Variants in EIF4ENIF1 observed in about 807,000 individuals in gnomAD.
The protein encoded by EIF4ENIF1 is eukaryotic translation initiation factor 4E nuclear import factor 1.
In EIF4ENIF1, 23 loss-of-function variants were observed where a neutral mutation model predicts 110.5. The observed-to-expected ratio is 0.21, with a 90% CI of 0.15 to 0.29. The LOEUF (loss-of-function observed/expected upper bound fraction) is 0.29, where lower values mean the gene tolerates loss of function less well. EIF4ENIF1 is among the 10% of genes least tolerant of loss of function. EIF4ENIF1 has a pLI of 1.00. For synonymous variants in EIF4ENIF1, 440 were observed against 437.0 expected, an observed-to-expected ratio of 1.01 and a Z score of -0.09; for missense variants, 1,031 against 1,221.1, an observed-to-expected ratio of 0.84 and a Z score of 2.32.
chr22:31,484,540 T>TA (rs879433677), intron 2 of EIF4ENIF1, among the ~76,000 whole-genome samples: 1,394 of 139,166 alleles, frequency 0.01, 25 homozygotes, highest in African/African-American at 0.029. Context: ...ACCACCTATT[T>TA]AAAAAAAAAA....
intron 10 of EIF4ENIF1, among the ~76,000 whole-genome samples, chr22:31,451,513 A>G (rs1332674848): frequency 6.6e-6 from 1 of 151,322 alleles, no homozygotes; most frequent in African/African-American, 2.4e-5. Context: ...TGACCTCGTG[A>G]TCTGCCCGCC....
intron 2 of EIF4ENIF1, chr22:31,479,559 A>G (rs1003825085): frequency 2.0e-5 from 3 of 152,146 alleles, no homozygotes; most frequent in African/African-American, 4.8e-5. Flanking sequence ...CCCCTTTGGG[A>G]TATTTTCAAA....
downstream of EIF4ENIF1, chr22:31,437,431 A>G (rs898432907): frequency 1.3e-5 from 2 of 149,470 alleles, no homozygotes; most frequent in African/African-American, 4.9e-5. Context: ...AGACTGCATT[A>G]ATGTGTCTTT....
At chr22:31,464,042 T>C (rs1291876677) in intron 4 of EIF4ENIF1, 75 bp from the exon 5 acceptor site, 46 of 1,511,386 alleles carry the variant, frequency 3.0e-5, no homozygotes, top group Non-Finnish European at 3.7e-5. Context: ...AGTATGTCCA[T>C]GACTGATGGG....
intron 10 of EIF4ENIF1, among the ~76,000 whole-genome samples, chr22:31,452,048 T>A (rs1419433823): frequency 6.6e-6 from 1 of 152,248 alleles, no homozygotes; most frequent in African/African-American, 2.4e-5. Flanking sequence ...TACTTCCATC[T>A]AATAAAAACA....
At chr22:31,461,271 C>T (rs1200002342) in intron 6 of EIF4ENIF1, among the ~76,000 whole-genome samples, 1 of 152,174 alleles carries the variant, frequency 6.6e-6, no homozygotes, top group African/African-American at 2.4e-5. Flanking sequence ...TTCCCAAGAC[C>T]ATCAGCCTGG....
intron 2 of EIF4ENIF1, among the ~76,000 whole-genome samples, chr22:31,487,056 G>A (rs1324700724): frequency 6.6e-6 from 1 of 150,568 alleles, no homozygotes; most frequent in Non-Finnish European, 1.5e-5. Flanking sequence ...GGCAACAAGA[G>A]TAAAACTCCA....
At chr22:31,462,590 A>G (rs2051032649) in intron 6 of EIF4ENIF1, among the ~76,000 whole-genome samples, 1 of 152,032 alleles carries the variant, frequency 6.6e-6, no homozygotes, top group African/African-American at 2.4e-5. Flanking sequence ...TGATAATCAC[A>G]TCTCTATTTT....
At chr22:31,439,260 C>CGAT (rs2050222145), downstream of EIF4ENIF1, 1 of 152,568 alleles carries the variant, frequency 6.6e-6, no homozygotes. Flanking sequence ...CAGTGAGCCA[C>CGAT]GATTGCACCA....
chr22:31,455,645 G>A (rs1374976942), intron 8 of EIF4ENIF1, among the ~76,000 whole-genome samples: 1 of 152,118 alleles, frequency 6.6e-6, no homozygotes, highest in Non-Finnish European at 1.5e-5. Flanking sequence ...TGATCTGCCT[G>A]CCTTGGCCTC....
chr22:31,458,203 G>C (rs2050885666), intron 7 of EIF4ENIF1, among the ~76,000 whole-genome samples: 1 of 151,266 alleles, frequency 6.6e-6, no homozygotes, highest in South Asian at 2.1e-4. Flanking sequence ...ACTTCAGCCT[G>C]GGTGACAGAG....
In EIF4ENIF1 at chr22:31,455,991, A is replaced by T; in HGVS notation, c.964-4T>A. Reference sequence around the variant, plus strand: ...CTCCCAAAACATCTTCTATCATCTGAAGAAAAAGACAATAAAAACTAATAG... The same window carrying T: ...CTCCCAAAACATCTTCTATCATCTGTAGAAAAAGACAATAAAAACTAATAG... On this transcript the variant is annotated splice_region_variant and splice_polypyrimidine_tract_variant and intron_variant, in intron 7 of 18. Transcript: ENST00000330125. 1 of 1,612,880 alleles carries T rather than the reference A, an allele frequency of 6.2e-7. No homozygotes were observed. Among genetic ancestry groups the T allele is most frequent in the East Asian group, 2.2e-5 (1 of 44,868 alleles).
intron 10 of EIF4ENIF1, 55 bp from the exon 11 acceptor site, chr22:31,450,415 G>T: frequency 1.4e-6 from 2 of 1,392,868 alleles, no homozygotes; most frequent in Non-Finnish European, 2.0e-6. Context: ...TTAACTTACA[G>T]ATTGATTGGG....
Position 31,463,143 on chromosome 22 carries a change from T to C in EIF4ENIF1, c.586-10A>G, listed in dbSNP as rs2051052583. ...TATCTCCAAACTCTCTCTGGAAAAG[T>C]ACATAAAGCAAGATTAAAAAATTTC... On this transcript the variant is annotated splice_polypyrimidine_tract_variant and intron_variant, in intron 5 of 18. Transcript: ENST00000330125. 1.2e-6 allele frequency: 2 copies of C among 1,609,996 alleles called. No individual in the cohort carries two copies. Among genetic ancestry groups the C allele is most frequent in the Non-Finnish European group, 8.5e-7 (1 of 1,178,860 alleles).
intron 3 of EIF4ENIF1, among the ~76,000 whole-genome samples, chr22:31,469,433 A>G (rs1361857743): frequency 6.6e-6 from 1 of 152,242 alleles, no homozygotes; most frequent in Non-Finnish European, 1.5e-5. Flanking sequence ...AATCTGGCAC[A>G]GTATTTATGA....
At chr22:31,462,084 T>C (rs1749880621) in intron 6 of EIF4ENIF1, among the ~76,000 whole-genome samples, 3 of 152,228 alleles carry the variant, frequency 2.0e-5, no homozygotes. Flanking sequence ...AACTCTTTCA[T>C]GTACACAGTC....
downstream of EIF4ENIF1, chr22:31,437,856 CAG>C (rs1328330445): frequency 6.6e-6 from 1 of 152,220 alleles, no homozygotes; most frequent in Non-Finnish European, 1.5e-5. Context: ...AAATTCTAAA[CAG>C]AGGGTCTATT....
intron 6 of EIF4ENIF1, among the ~76,000 whole-genome samples, chr22:31,459,667 A>G (rs2050931793): frequency 6.6e-6 from 1 of 152,214 alleles, no homozygotes; most frequent in African/African-American, 2.4e-5. Flanking sequence ...GGTATACTCT[A>G]CAATGTTCAG....
At chr22:31,450,948 A>G (rs779441951) in intron 10 of EIF4ENIF1, 1 of 154,702 alleles carries the variant, frequency 6.5e-6, no homozygotes, top group East Asian at 1.9e-4. Context: ...TGGTGCAATC[A>G]TGGCTTGCTG....
Sources: gnomAD v4.1 joint callset for allele counts (sites outside exome capture counted in the v4.1 genomes callset) on GRCh38, gnomAD v4.1.1 for gene constraint, MANE v1.5 for transcripts, NCBI Gene and HGNC (gene_info 2026-07-23, HGNC 2026-07-21) for gene names.